PRDM16: variants seen among roughly 807,000 people sequenced by gnomAD.
The protein encoded by PRDM16 is histone-lysine N-methyltransferase PRDM16.
PRDM16 carries 23 observed loss-of-function variants against 110.6 expected under a neutral mutation model. That is an observed-to-expected ratio of 0.21 (90% CI 0.15 to 0.29). PRDM16 has a LOEUF of 0.29. PRDM16 is among the 10% of genes least tolerant of loss of function. The pLI is 1.00. For missense variants in PRDM16, 1,615 were observed against 1,794.3 expected (o/e 0.90, Z 1.81); for synonymous variants, 799 against 781.8 (o/e 1.02, Z -0.37).
chr1:3,418,835 G>T lies in PRDM16; in HGVS notation c.2939+91G>T, dbSNP rs114150379. 0.01 allele frequency: 10,274 copies of T among 1,011,858 alleles called. 621 individuals are homozygous for T. The African/African-American group carries it at 0.14, about 13-fold the overall frequency. The allele number at this position is 1,011,858 out of a possible 1,614,324, so 62.7% of individuals were successfully genotyped here. On this transcript the variant is annotated intron_variant, in intron 12 of 16. Coordinates refer to ENST00000270722, the MANE Select transcript of PRDM16 (RefSeq NM_022114.4). ...CTAGGAGTAAGTATGCCATTCCCAG[G>T]GCTCCCTGCTGGAGTGAGCAGGCAG... is the stretch of plus-strand genomic sequence containing the variant.
At chr1:3,120,746 G>T (rs1643076478) in intron 1 of PRDM16, among the ~76,000 whole-genome samples, 1 of 152,184 alleles carries the variant, frequency 6.6e-6, no homozygotes, top group Non-Finnish European at 1.5e-5. Context: ...TGGGCCTCGT[G>T]GGAGTGACCC....
At chr1:3,124,111 C>T (rs977749845) in intron 1 of PRDM16, among the ~76,000 whole-genome samples, 8 of 152,166 alleles carry the variant, frequency 5.3e-5, no homozygotes, top group South Asian at 4.1e-4. Flanking sequence ...TGCTGGGACC[C>T]GGGTGCTTAG....
chr1:3,229,521 C>G (rs527601221), intron 2 of PRDM16, among the ~76,000 whole-genome samples: 1 of 152,186 alleles, frequency 6.6e-6, no homozygotes, highest in African/African-American at 2.4e-5. Context: ...AGAATCAAAG[C>G]GCCACCTCCC....
intron 3 of PRDM16, among the ~76,000 whole-genome samples, chr1:3,282,291 G>A (rs939674247): frequency 6.6e-6 from 1 of 152,206 alleles, no homozygotes; most frequent in African/African-American, 2.4e-5. Flanking sequence ...GACACAGGCT[G>A]GCCCTGCCAG....
At chr1:3,429,328 C>T (rs1052307522) in intron 14 of PRDM16, among the ~76,000 whole-genome samples, 1 of 152,260 alleles carries the variant, frequency 6.6e-6, no homozygotes, top group East Asian at 1.9e-4. Flanking sequence ...GTGCCGGATG[C>T]TCCGCTCCCC....
At chr1:3,082,608 G>A (rs1439346158) in intron 1 of PRDM16, among the ~76,000 whole-genome samples, 1 of 152,246 alleles carries the variant, frequency 6.6e-6, no homozygotes, top group African/African-American at 2.4e-5. Flanking sequence ...TGGCATCCAT[G>A]CCTCGGCTGG....
intron 1 of PRDM16, among the ~76,000 whole-genome samples, chr1:3,118,385 G>C (rs115014388): frequency 6.6e-6 from 1 of 152,160 alleles, no homozygotes; most frequent in Non-Finnish European, 1.5e-5. Context: ...CCTCGGAAGC[G>C]TGACAGCCAT....
intron 1 of PRDM16, among the ~76,000 whole-genome samples, chr1:3,101,300 G>C (rs1008128736): frequency 1.3e-5 from 2 of 152,228 alleles, no homozygotes; most frequent in African/African-American, 4.8e-5. Flanking sequence ...CCTGAGATGA[G>C]GGCCGCGAGG....
chr1:3,403,578 A>G (rs1643510498), intron 6 of PRDM16, among the ~76,000 whole-genome samples: 1 of 152,230 alleles, frequency 6.6e-6, no homozygotes, highest in Non-Finnish European at 1.5e-5. Context: ...GAGGGGCTTC[A>G]GAGACATGAG....
chr1:3,428,390 T>C (rs1638678521), intron 14 of PRDM16, among the ~76,000 whole-genome samples: 1 of 152,112 alleles, frequency 6.6e-6, no homozygotes, highest in Non-Finnish European at 1.5e-5. Context: ...CCCCCTCGCC[T>C]ATGGCAAGGC....
chr1:3,425,453 A>G lies in PRDM16; in HGVS notation c.2940-128A>G, dbSNP rs1377303176. 1.0e-6 allele frequency: 1 copy of G among 995,558 alleles called. No homozygotes were observed. Among genetic ancestry groups the G allele is most frequent in the African/African-American group, 1.6e-5 (1 of 61,496 alleles). The allele number at this position is 995,558 out of a possible 1,614,324, so 61.7% of individuals were successfully genotyped here. On this transcript the variant is annotated intron_variant, in intron 12 of 16. Coordinates refer to ENST00000270722, the MANE Select transcript of PRDM16 (RefSeq NM_022114.4). The surrounding 1 kb of genome is among the most constrained non-coding windows in gnomAD (Gnocchi z 6.9). Reference sequence around the variant, plus strand: ...GCTGGGAGATCCAGCAACCTCCGGGACACGGCGGGGCAAAGCTGTGCACGG... The same window carrying G: ...GCTGGGAGATCCAGCAACCTCCGGGGCACGGCGGGGCAAAGCTGTGCACGG...
At chr1:3,152,348 TCATCCATCCATCCATCCATCCATC>T (rs70938075) in intron 1 of PRDM16, among the ~76,000 whole-genome samples, 1 of 149,510 alleles carries the variant, frequency 6.7e-6, no homozygotes. Flanking sequence ...ATCTATGCAT[TCATCCATCCATCCATCCATCCATC>T]CATCCATCCA....
intron 3 of PRDM16, among the ~76,000 whole-genome samples, chr1:3,381,796 AAG>A (rs1205911807): frequency 6.6e-6 from 1 of 152,174 alleles, no homozygotes; most frequent in East Asian, 1.9e-4. Flanking sequence ...ACCATATATG[AAG>A]AGAGAGAGCC....
chr1:3,293,302 A>G (rs1278954148), intron 3 of PRDM16, among the ~76,000 whole-genome samples: 2 of 152,178 alleles, frequency 1.3e-5, no homozygotes, highest in East Asian at 3.9e-4. Flanking sequence ...AAGCAGCGAG[A>G]CCCTGTCCAG....
chr1:3,405,431 A>G, intron 7 of PRDM16, 64 bp from the exon 8 acceptor site: 2 of 1,487,562 alleles, frequency 1.3e-6, no homozygotes, highest in Non-Finnish European at 1.8e-6. Flanking sequence ...TTGGTCCGCC[A>G]GCCAGAACCA....
chr1:3,364,480 C>T (rs1470100540), intron 3 of PRDM16, among the ~76,000 whole-genome samples: 2 of 152,186 alleles, frequency 1.3e-5, no homozygotes, highest in Non-Finnish European at 2.9e-5. Flanking sequence ...CTGGACAAGC[C>T]CCCGGAGGAT....
rs777283850 is a variant in PRDM16 at position 3,433,722 on chromosome 1, A to G, written c.3742A>G (p.Thr1248Ala). 6.2e-7 allele frequency: 1 copy of G among 1,613,204 alleles called. No homozygotes were observed. The highest frequency in any genetic ancestry group is 8.5e-7 in the Non-Finnish European group (1 of 1,179,814). ...LSLSEDTPLH[T>A]PSQGSLDAWL... ...CCTTTCCGAAGACACTCCTCTCCAC[A>G]CCCCCTCCCAGGGTTCTCTGGACGC... The change falls in exon 17 of 17, where the codon ACC becomes GCC. Residue 1248 changes from threonine to alanine, a missense_variant. By Grantham distance (58) the Thr-to-Ala change is moderately conservative. Around this residue, in one of 5 missense-constraint regions of PRDM16, gnomAD observed 327 missense variants for 359.3 expected, o/e 0.91. Coordinates refer to ENST00000270722, the MANE Select transcript of PRDM16 (RefSeq NM_022114.4).
intron 3 of PRDM16, among the ~76,000 whole-genome samples, chr1:3,249,997 C>T (rs909695524): frequency 6.6e-6 from 1 of 152,172 alleles, no homozygotes; most frequent in Non-Finnish European, 1.5e-5. Context: ...AGCAGAAAGT[C>T]GGAAAGCACC....
At chr1:3,078,978 T>G (rs1429710297) in intron 1 of PRDM16, among the ~76,000 whole-genome samples, 1 of 152,184 alleles carries the variant, frequency 6.6e-6, no homozygotes, top group Non-Finnish European at 1.5e-5. Context: ...CGTAAAACAT[T>G]TAAACAAAGA....
Sources: gnomAD v4.1 joint callset for allele counts (sites outside exome capture counted in the v4.1 genomes callset) on GRCh38, gnomAD v4.1.1 for gene constraint, gnomAD v4.1.1 regional missense constraint, Gnocchi (gnomAD v3.1) non-coding constraint, MANE v1.5 for transcripts, NCBI Gene and HGNC (gene_info 2026-07-23, HGNC 2026-07-21) for gene names.